The following CDH13 variants were observed in gnomAD, a reference collection of about 807,000 sequenced individuals.
CDH13 encodes cadherin 13.
In CDH13, 24 loss-of-function variants were observed where a neutral mutation model predicts 63.8. The ratio of observed to expected loss-of-function variants is 0.38; its 90% CI spans 0.27 to 0.53. The LOEUF (loss-of-function observed/expected upper bound fraction) is 0.53. Ranked by LOEUF, CDH13 falls within the 20% of genes least tolerant of loss-of-function variation. The pLI is 0.85. For synonymous variants in CDH13, 503 were observed against 355.3 expected, an observed-to-expected ratio of 1.42 and a Z score of -4.67; for missense variants, 1,049 against 903.1, an observed-to-expected ratio of 1.16 and a Z score of -2.07.
chr16:83,772,020 T>A (rs1034280896), intron 11 of CDH13, among the ~76,000 whole-genome samples: 7 of 152,158 alleles, frequency 4.6e-5, no homozygotes, highest in African/African-American at 1.7e-4. Context: ...ATTTTCCCCA[T>A]GATATCACCC....
At position 82,846,188 on chromosome 16, in the gene CDH13, G is replaced by T. The variant is rs192123325; in HGVS notation, c.46-12174G>T. On this transcript the variant is annotated intron_variant, in intron 1 of 13. Coordinates refer to ENST00000567109, the MANE Select transcript of CDH13 (RefSeq NM_001257.5). ...CTGCGTGGAGCCTTTGTTCTTAGAG[G>T]TTGTCATGTGAAAAGTTTCAATCAT... 3.3e-3 allele frequency among the ~76,000 whole-genome samples: 505 copies of T among 152,226 alleles called. 2 individuals carry two copies. Among genetic ancestry groups the T allele is most frequent in the Non-Finnish European group, 3.2e-3 (219 of 68,018 alleles).
At chr16:83,085,062 C>T (rs112338407) in intron 3 of CDH13, among the ~76,000 whole-genome samples, 1 of 152,054 alleles carries the variant, frequency 6.6e-6, no homozygotes, top group African/African-American at 2.4e-5. Context: ...CATAGTTTTC[C>T]CCTTATATTG....
rs141275349 is a variant in CDH13 at position 83,165,839 on chromosome 16, G to A, written c.483+40338G>A. 3.0e-4 allele frequency among the ~76,000 whole-genome samples: 46 copies of A among 152,184 alleles called. 1 individual carries two copies. Among genetic ancestry groups the A allele is most frequent in the Non-Finnish European group, 5.6e-4 (38 of 68,002 alleles). On this transcript the variant is annotated intron_variant, in intron 4 of 13. Transcript: ENST00000567109. Reference sequence around the variant, plus strand: ...TCACCTTACCTCTCCTTTTCTTGGAGGAATGGTGGAAAGAGAAGAACAACT... The same window carrying A: ...TCACCTTACCTCTCCTTTTCTTGGAAGAATGGTGGAAAGAGAAGAACAACT...
intron 7 of CDH13, among the ~76,000 whole-genome samples, chr16:83,585,196 G>A (rs1008797696): frequency 1.4e-4 from 21 of 152,142 alleles, no homozygotes; most frequent in Admixed American, 8.5e-4. Context: ...CCTGAACAGC[G>A]TGATGCTGGT....
chr16:83,210,255 G>C lies in CDH13; in HGVS notation c.484-7090G>C, dbSNP rs953581015. On this transcript the variant is annotated intron_variant, in intron 4 of 13. Coordinates refer to ENST00000567109, the MANE Select transcript of CDH13 (RefSeq NM_001257.5). ...AGTTTTTGTATTTTCAGTAGAGACGGGGTCTCACCATGTTGGCCAAGCTGG... is the reference window on the plus strand; with the variant it reads ...AGTTTTTGTATTTTCAGTAGAGACGCGGTCTCACCATGTTGGCCAAGCTGG... Among the ~76,000 whole-genome samples, 3 of 151,978 alleles carry C rather than the reference G, an allele frequency of 2.0e-5. No homozygotes were observed. In the East Asian group the frequency reaches 5.8e-4, roughly 30 times the overall value.
chr16:83,505,230 A>G (rs914335656), intron 7 of CDH13, among the ~76,000 whole-genome samples: 3 of 152,228 alleles, frequency 2.0e-5, no homozygotes, highest in Admixed American at 6.5e-5. Flanking sequence ...AGAAGAAACA[A>G]GAATTGTTTC....
chr16:83,630,044 AC>A (rs1376631284), intron 8 of CDH13, among the ~76,000 whole-genome samples: 1 of 152,228 alleles, frequency 6.6e-6, no homozygotes, highest in African/African-American at 2.4e-5. Flanking sequence ...AGGCTGGCAG[AC>A]AGGCATTTAA....
intron 6 of CDH13, among the ~76,000 whole-genome samples, chr16:83,392,558 C>A (rs1443181572): frequency 1.3e-5 from 2 of 152,152 alleles, no homozygotes; most frequent in Non-Finnish European, 2.9e-5. Flanking sequence ...GAACATCACA[C>A]GAATGAATAT....
chr16:82,632,222 G>T (rs1462355901), intron 1 of CDH13, among the ~76,000 whole-genome samples: 1 of 152,148 alleles, frequency 6.6e-6, no homozygotes, highest in Non-Finnish European at 1.5e-5. Context: ...AATTTTGCCT[G>T]CTTGCCCCTA....
chr16:83,720,936 G>A (rs572279280), intron 10 of CDH13, among the ~76,000 whole-genome samples: 35 of 152,312 alleles, frequency 2.3e-4, no homozygotes, highest in Admixed American at 1.4e-3. Context: ...AGCATTCCTC[G>A]GTGTGGGAGC....
At chr16:82,960,654 C>T (rs544085298) in intron 2 of CDH13, among the ~76,000 whole-genome samples, 11 of 152,214 alleles carry the variant, frequency 7.2e-5, no homozygotes, top group Admixed American at 3.9e-4. Context: ...ATAGCAGGTA[C>T]GGTAACCACA....
At chr16:83,616,279 G>A (rs140536989) in intron 8 of CDH13, among the ~76,000 whole-genome samples, 46 of 152,200 alleles carry the variant, frequency 3.0e-4, no homozygotes, top group Non-Finnish European at 5.6e-4. Context: ...TCTACCATGT[G>A]GCTGTTTCTT....
At chr16:83,255,878 T>C (rs8053104) in intron 5 of CDH13, among the ~76,000 whole-genome samples, 1 of 151,912 alleles carries the variant, frequency 6.6e-6, no homozygotes, top group African/African-American at 2.4e-5. Flanking sequence ...TGAGACAATG[T>C]CAGTAAAATA....
chr16:82,941,783 C>T (rs1904290638), intron 2 of CDH13, among the ~76,000 whole-genome samples: 1 of 152,140 alleles, frequency 6.6e-6, no homozygotes, highest in South Asian at 2.1e-4. Flanking sequence ...TGGGGGCTAT[C>T]ACATGGCATG....
intron 10 of CDH13, among the ~76,000 whole-genome samples, chr16:83,733,853 C>T (rs752607710): frequency 1.1e-4 from 17 of 152,164 alleles, no homozygotes; most frequent in African/African-American, 2.4e-4. Flanking sequence ...CATGCCTTGG[C>T]GTAAGTGGAC....
chr16:82,752,644 A>T (rs1003140376), intron 1 of CDH13, among the ~76,000 whole-genome samples: 1 of 152,244 alleles, frequency 6.6e-6, no homozygotes, highest in Non-Finnish European at 1.5e-5. Context: ...AAAGCAGGGA[A>T]TTCCTGGGAG....
chr16:82,978,247 A>G (rs868357786), intron 2 of CDH13, among the ~76,000 whole-genome samples: 6 of 152,256 alleles, frequency 3.9e-5, no homozygotes, highest in Non-Finnish European at 7.3e-5. Context: ...AGCAGAACAT[A>G]AAAGTTCAGA....
At chr16:83,763,094 G>A (rs1490836277) in intron 11 of CDH13, among the ~76,000 whole-genome samples, 1 of 152,112 alleles carries the variant, frequency 6.6e-6, no homozygotes, top group Non-Finnish European at 1.5e-5. Flanking sequence ...AAAGAACGGG[G>A]GAGTGATGGC....
intron 7 of CDH13, among the ~76,000 whole-genome samples, chr16:83,590,823 G>C (rs772333432): frequency 1.1e-4 from 16 of 151,536 alleles, no homozygotes; most frequent in Non-Finnish European, 1.9e-4. Context: ...CAGATGCTTT[G>C]GCCCTGCCCT....
Sources: allele counts gnomAD v4.1 joint callset (sites outside exome capture counted in the v4.1 genomes callset), GRCh38; gene constraint gnomAD v4.1.1; transcripts MANE v1.5; gene names NCBI Gene and HGNC (gene_info 2026-07-23, HGNC 2026-07-21).